The following DOCK8 variants were observed in gnomAD, a reference collection of about 807,000 sequenced individuals.
The protein encoded by DOCK8 is dedicator of cytokinesis protein 8.
A neutral mutation model predicts 245.6 loss-of-function variants in DOCK8; 141 were observed. That is an observed-to-expected ratio of 0.57 (90% CI 0.50 to 0.66). DOCK8 has a LOEUF of 0.66. Among genes scored for constraint, DOCK8 ranks in the 30% least tolerant of loss-of-function variants. The pLI is 0.00. For synonymous variants in DOCK8, 1,168 were observed against 970.2 expected (o/e 1.20, Z -3.79); for missense variants, 2,965 against 2,603.4 (o/e 1.14, Z -3.02).
chr9:383,879 T>C (rs1010060686), intron 22 of DOCK8, among the ~76,000 whole-genome samples: 1 of 152,196 alleles, frequency 6.6e-6, no homozygotes, highest in East Asian at 1.9e-4. Flanking sequence ...TACGGAATTA[T>C]ATACTCTATA....
chr9:241,744 G>C (rs1354909725), intron 1 of DOCK8, among the ~76,000 whole-genome samples: 1 of 152,102 alleles, frequency 6.6e-6, no homozygotes, highest in Non-Finnish European at 1.5e-5. Context: ...TCCCAGGAGT[G>C]GGATTGCTAG....
chr9:235,998 G>A (rs1025353273), intron 1 of DOCK8, among the ~76,000 whole-genome samples: 2 of 152,184 alleles, frequency 1.3e-5, no homozygotes, highest in African/African-American at 2.4e-5. Context: ...TGTCGCTCAC[G>A]CTGGGAGCTG....
chr9:357,024 T>C (rs2052478711), intron 14 of DOCK8, among the ~76,000 whole-genome samples: 1 of 152,216 alleles, frequency 6.6e-6, no homozygotes, highest in African/African-American at 2.4e-5. Flanking sequence ...CCATAAACAC[T>C]CTAGCTTTCC....
chr9:216,537 CAAAAAAAA>C (rs59529982), intron 1 of DOCK8, among the ~76,000 whole-genome samples: 3 of 88,922 alleles, frequency 3.4e-5, no homozygotes, highest in African/African-American at 1.3e-4. Context: ...AAAAAACAGA[CAAAAAAAA>C]AAAAAAAAAA....
intron 34 of DOCK8, 29 bp from the exon 35 acceptor site, chr9:428,333 T>A (rs1379771847): frequency 6.2e-7 from 1 of 1,613,848 alleles, no homozygotes; most frequent in Non-Finnish European, 8.5e-7. Context: ...GTGCAGGGAT[T>A]CAATGATGCT....
chr9:390,428 A>G (rs1482145109), intron 23 of DOCK8, 43 bp from the exon 24 acceptor site: 4 of 1,551,996 alleles, frequency 2.6e-6, no homozygotes, highest in Non-Finnish European at 3.6e-6. Context: ...GTGAATAATA[A>G]TAGCCTTTGT....
Position 379,889 on chromosome 9 carries a change from C to T in DOCK8, c.2559C>T (p.His853=), listed in dbSNP as rs750785315. 1.2e-6 allele frequency: 2 copies of T among 1,614,200 alleles called. No homozygotes were observed. The highest frequency in any genetic ancestry group is 1.7e-6 in the Non-Finnish European group (2 of 1,180,036). The change falls in exon 21 of 48, where the codon CAC becomes CAT. Residue 853 remains histidine (H), a synonymous_variant. Transcript: ENST00000432829. ...GRNCLLASYV[H]YVFRLPEVQR... is the part of the protein sequence containing the mutation. ...ACTGCCTGCTGGCTTCCTACGTGCACTACGTCTTCCGCCTGCCAGAGGTGC... is the reference window on the plus strand; with the variant it reads ...ACTGCCTGCTGGCTTCCTACGTGCATTACGTCTTCCGCCTGCCAGAGGTGC...
At chr9:257,362 G>A (rs2047802650) in intron 1 of DOCK8, among the ~76,000 whole-genome samples, 1 of 152,196 alleles carries the variant, frequency 6.6e-6, no homozygotes, top group Non-Finnish European at 1.5e-5. Context: ...GGTGATTACA[G>A]TCCTATGTCA....
At chr9:404,757 C>T (rs1042210531) in intron 26 of DOCK8, among the ~76,000 whole-genome samples, 161 bp from the exon 27 acceptor site, 3 of 152,166 alleles carry the variant, frequency 2.0e-5, no homozygotes, top group Admixed American at 6.5e-5. Context: ...TTTATTAGAC[C>T]TCTCTGTAAT....
chr9:236,195 G>C (rs2047244075), intron 1 of DOCK8, among the ~76,000 whole-genome samples: 1 of 152,106 alleles, frequency 6.6e-6, no homozygotes. Flanking sequence ...CATCCTTATG[G>C]TCACAGGATG....
At chr9:452,902 C>T (rs2057512261) in intron 46 of DOCK8, 1 of 152,096 alleles carries the variant, frequency 6.6e-6, no homozygotes, top group Non-Finnish European at 1.5e-5. Context: ...TATTGGGTCT[C>T]CTATGGTCCT....
intron 44 of DOCK8, among the ~76,000 whole-genome samples, chr9:447,021 C>T (rs1170567605): frequency 6.6e-6 from 1 of 152,090 alleles, no homozygotes; most frequent in South Asian, 2.1e-4. Context: ...TGCACGTGGG[C>T]AGCCCCAGTG....
chr9:265,860 T>G (rs2129851368), intron 1 of DOCK8, among the ~76,000 whole-genome samples: 1 of 152,236 alleles, frequency 6.6e-6, no homozygotes, highest in East Asian at 1.9e-4. Context: ...GCCCTTCTGG[T>G]TTACATATAA....
chr9:265,840 A>C (rs2048024228), intron 1 of DOCK8, among the ~76,000 whole-genome samples: 1 of 152,138 alleles, frequency 6.6e-6, no homozygotes, highest in Non-Finnish European at 1.5e-5. Flanking sequence ...GCTCAGGACT[A>C]TACAGCCCAG....
At chr9:424,571 G>A (rs1242598639) in intron 33 of DOCK8, among the ~76,000 whole-genome samples, 1 of 151,970 alleles carries the variant, frequency 6.6e-6, no homozygotes, top group East Asian at 1.9e-4. Context: ...CACCACAACT[G>A]CTTACTTTTT....
intron 4 of DOCK8, among the ~76,000 whole-genome samples, chr9:290,650 C>G (rs1354125866): frequency 6.6e-6 from 1 of 152,198 alleles, no homozygotes; most frequent in Non-Finnish European, 1.5e-5. Context: ...CATTGAAATT[C>G]TCAGCCTGCA....
chr9:372,003 T>C (rs1184945333), intron 17 of DOCK8, among the ~76,000 whole-genome samples, 182 bp from the exon 18 acceptor site: 13 of 152,184 alleles, frequency 8.5e-5, no homozygotes, highest in Non-Finnish European at 1.8e-4. Context: ...TCATCAATAT[T>C]ACCATTTCAG....
At chr9:307,765 C>T (rs1453454491) in intron 5 of DOCK8, among the ~76,000 whole-genome samples, 1 of 152,050 alleles carries the variant, frequency 6.6e-6, no homozygotes, top group Non-Finnish European at 1.5e-5. Context: ...ATCTGCACTC[C>T]CATGTTTATT....
chr9:261,999 G>GAAAC lies in DOCK8; in HGVS notation c.54-9625_54-9624insCAAA, dbSNP rs1224495984. On this transcript the variant is annotated intron_variant, in intron 1 of 47. Transcript: ENST00000432829. ...TAAAATGTGTCAAAAGAAAGAAGGA[G>GAAAC]AAAGAAAGAAAGAAAGAAAGAAAGA... 3.0e-5 allele frequency among the ~76,000 whole-genome samples: 3 copies of GAAAC among 98,616 alleles called. No homozygotes were observed. In the South Asian group the frequency reaches 1.2e-3, roughly 40 times the overall value. 64.7% of individuals were successfully genotyped at this position (98,616 alleles called of 152,430 possible). A position where few individuals can be genotyped will look rare whatever the true frequency, so the allele number is the denominator to read the frequency against.
Sources: gnomAD v4.1 joint callset for allele counts (sites outside exome capture counted in the v4.1 genomes callset) on GRCh38, gnomAD v4.1.1 for gene constraint, MANE v1.5 for transcripts, NCBI Gene and HGNC (gene_info 2026-07-23, HGNC 2026-07-21) for gene names.